Variants in CMSS1 observed in about 807,000 individuals in gnomAD.
CMSS1 encodes cms1 ribosomal small subunit homolog.
A neutral mutation model predicts 43.5 loss-of-function variants in CMSS1; 33 were observed. The ratio of observed to expected loss-of-function variants is 0.76; its 90% confidence interval spans 0.57 to 1.01. The LOEUF is 1.01. Ranked by LOEUF, CMSS1 falls within the 50% of genes least tolerant of loss-of-function variation. The pLI is 0.00. For synonymous variants in CMSS1, 115 were observed against 117.2 expected (o/e 0.98, Z 0.12); for missense variants, 313 against 326.4 (o/e 0.96, Z 0.32).
chr3:99,841,309 G>C (rs1400152714), intron 1 of CMSS1, among the ~76,000 whole-genome samples: 4 of 152,206 alleles, frequency 2.6e-5, no homozygotes, highest in African/African-American at 9.7e-5. Context: ...TTATAAACTA[G>C]AGTTTTCAGA....
chr3:100,115,102 A>G, intron 1 of CMSS1: 1 of 752,300 alleles, frequency 1.3e-6, no homozygotes, highest in Non-Finnish European at 2.3e-6. Context: ...AATTTTCTTT[A>G]AGTAGGATCA....
At chr3:100,063,234 A>G (rs1008235732) in intron 1 of CMSS1, among the ~76,000 whole-genome samples, 3 of 152,170 alleles carry the variant, frequency 2.0e-5, no homozygotes, top group South Asian at 4.1e-4. Flanking sequence ...CTTGTTCCCA[A>G]ATAAGCCCTG....
intron 1 of CMSS1, chr3:99,833,208 G>T: frequency 1.2e-6 from 2 of 1,602,430 alleles, no homozygotes; most frequent in Non-Finnish European, 1.7e-6. Flanking sequence ...GATTTGGAAT[G>T]CCTTAAAAGT....
chr3:100,122,031 A>G (rs889836351), intron 1 of CMSS1, among the ~76,000 whole-genome samples: 2 of 152,180 alleles, frequency 1.3e-5, no homozygotes, highest in African/African-American at 4.8e-5. Flanking sequence ...AGAGACATGG[A>G]AAGATAAGAA....
At chr3:100,027,402 C>T (rs2064944947) in intron 1 of CMSS1, among the ~76,000 whole-genome samples, 1 of 152,112 alleles carries the variant, frequency 6.6e-6, no homozygotes, top group Admixed American at 6.6e-5. Flanking sequence ...AAATAAAACT[C>T]TTCAATAGGC....
chr3:100,091,643 C>T (rs564384581), intron 1 of CMSS1, among the ~76,000 whole-genome samples: 1 of 152,310 alleles, frequency 6.6e-6, no homozygotes, highest in East Asian at 1.9e-4. Context: ...CCCACATAAT[C>T]TTTTTATCTG....
intron 1 of CMSS1, among the ~76,000 whole-genome samples, chr3:99,864,440 A>C (rs1180216380): frequency 6.6e-6 from 1 of 152,188 alleles, no homozygotes; most frequent in Non-Finnish European, 1.5e-5. Context: ...AGAAACCAAA[A>C]AACTAAAATT....
At chr3:99,983,446 GTATATATATATATGTGTGTATA>G (rs1280313116) in intron 1 of CMSS1, among the ~76,000 whole-genome samples, 6 of 87,810 alleles carry the variant, frequency 6.8e-5, no homozygotes, top group African/African-American at 3.3e-4. Flanking sequence ...ATATATGTAT[GTATATATATATATGTGTGTATA>G]TATATATATA....
chr3:100,042,903 G>A (rs1011410704), intron 1 of CMSS1, among the ~76,000 whole-genome samples: 1 of 152,198 alleles, frequency 6.6e-6, no homozygotes, highest in Non-Finnish European at 1.5e-5. Flanking sequence ...TTGACAACTA[G>A]GGCAAATGTA....
chr3:100,137,702 A>G (rs1457493832), intron 1 of CMSS1, among the ~76,000 whole-genome samples: 1 of 151,870 alleles, frequency 6.6e-6, no homozygotes, highest in East Asian at 1.9e-4. Context: ...AGCTGGGACT[A>G]TAGGCGCCCG....
At position 100,167,840 on chromosome 3, in the gene CMSS1, G is replaced by A. The variant is rs746833755; in HGVS notation, c.518G>A (p.Arg173Lys). 4.4e-6 allele frequency: 7 copies of A among 1,599,722 alleles called. No individual in the cohort carries two copies. The highest frequency in any genetic ancestry group is 6.0e-6 in the Non-Finnish European group (7 of 1,170,288). The change falls in exon 6 of 10, where the codon AGG (arginine) becomes AAG (lysine). Residue 173 changes from arginine to lysine, a missense_variant and splice_region_variant. Transcript: ENST00000421999. The part of the protein sequence containing the change: ...SSAVRALELI[R>K]SMTAFRGDGK... ...GCCGTCCGAGCCCTGGAGCTCATTA[G>A]GTTGGAAGGTTCACCTATTCCATAT... is the stretch of plus-strand genomic sequence containing the variant.
chr3:99,983,464 G>GTGTA lies in CMSS1; in HGVS notation c.65-163508_65-163507insGTAT, dbSNP rs1491438114. 2.0e-3 allele frequency among the ~76,000 whole-genome samples: 25 copies of GTGTA among 12,682 alleles called. 4 individuals are homozygous for GTGTA. Among genetic ancestry groups the GTGTA allele is most frequent in the African/African-American group, 4.6e-3 (22 of 4,732 alleles). 8.3% of individuals were successfully genotyped at this position (12,682 alleles called of 152,430 possible). ...TATGTATGTATATATATATATGTGT[G>GTGTA]TATATATATATATATATATATATAT... On this transcript the variant is annotated intron_variant, in intron 1 of 9. Transcript: ENST00000421999.
intron 1 of CMSS1, among the ~76,000 whole-genome samples, chr3:99,995,721 C>T (rs2107147197): frequency 6.6e-6 from 1 of 152,348 alleles, no homozygotes; most frequent in Admixed American, 6.5e-5. Flanking sequence ...TCTGTGCACT[C>T]ACAGGTTCAA....
chr3:100,117,314 A>G (rs910794504), intron 1 of CMSS1, among the ~76,000 whole-genome samples: 1 of 152,092 alleles, frequency 6.6e-6, no homozygotes, highest in Non-Finnish European at 1.5e-5. Flanking sequence ...TTCCAACTTT[A>G]CAAAAAACGG....
chr3:100,033,155 T>C (rs978278049), intron 1 of CMSS1, among the ~76,000 whole-genome samples: 50 of 152,352 alleles, frequency 3.3e-4, no homozygotes, highest in African/African-American at 1.2e-3. Context: ...GGTTACTGTA[T>C]GGTAATGGAA....
chr3:99,958,532 G>T (rs559122435), intron 1 of CMSS1, among the ~76,000 whole-genome samples: 301 of 152,286 alleles, frequency 2.0e-3, no homozygotes, highest in African/African-American at 6.8e-3. Flanking sequence ...ACATGTATGT[G>T]CCACAGAAGG....
intron 1 of CMSS1, among the ~76,000 whole-genome samples, chr3:100,059,743 G>A (rs568416583): frequency 2.0e-5 from 3 of 152,190 alleles, no homozygotes; most frequent in South Asian, 4.1e-4. Context: ...CATATGTGCC[G>A]GCCTAGAATT....
chr3:100,049,681 C>A (rs998729716), intron 1 of CMSS1, among the ~76,000 whole-genome samples: 1 of 152,196 alleles, frequency 6.6e-6, no homozygotes, highest in African/African-American at 2.4e-5. Context: ...CCTCCTCCTT[C>A]TCAGCCTACT....
At chr3:99,920,033 G>GGT (rs1707075879) in intron 1 of CMSS1, among the ~76,000 whole-genome samples, 1 of 152,148 alleles carries the variant, frequency 6.6e-6, no homozygotes, top group Non-Finnish European at 1.5e-5. Flanking sequence ...TTACAAAACT[G>GGT]AACTATCAGT....
Sources: gnomAD v4.1 joint callset for allele counts (sites outside exome capture counted in the v4.1 genomes callset) on GRCh38, gnomAD v4.1.1 for gene constraint, MANE v1.5 for transcripts, NCBI Gene and HGNC (gene_info 2026-07-23, HGNC 2026-07-21) for gene names.